PRKAR2A: variants seen among roughly 807,000 people sequenced by gnomAD.
PRKAR2A encodes cAMP-dependent protein kinase type II-alpha regulatory subunit.
In PRKAR2A, 29 loss-of-function variants were observed where a neutral mutation model predicts 51.9. The ratio of observed to expected loss-of-function variants is 0.56; its 90% CI spans 0.42 to 0.76. The LOEUF is 0.76. PRKAR2A is among the 30% of genes least tolerant of loss of function. The probability of loss-of-function intolerance (pLI) is 0.00; values close to 1 mark genes in which losing one functional copy is unlikely to be tolerated. For missense variants in PRKAR2A, 445 were observed against 512.1 expected (o/e 0.87, Z 1.26); for synonymous variants, 178 against 186.2 (o/e 0.96, Z 0.36).
intron 1 of PRKAR2A, among the ~76,000 whole-genome samples, chr3:48,812,973 A>G (rs552494041): frequency 6.6e-6 from 1 of 152,328 alleles, no homozygotes; most frequent in South Asian, 2.1e-4. Flanking sequence ...CTCCGTACAT[A>G]TTGAAGCACA....
chr3:48,774,417 A>G (rs991285599), intron 5 of PRKAR2A, among the ~76,000 whole-genome samples: 1 of 152,018 alleles, frequency 6.6e-6, no homozygotes, highest in African/African-American at 2.4e-5. Flanking sequence ...TAATCTCAGC[A>G]CTTTAGGAAG....
intron 1 of PRKAR2A, among the ~76,000 whole-genome samples, chr3:48,828,361 A>G (rs2083103579): frequency 6.6e-6 from 1 of 151,984 alleles, no homozygotes; most frequent in African/African-American, 2.4e-5. Context: ...TCTTCTTTTG[A>G]CTTTTTGACT....
chr3:48,803,419 ATTTATTTG>A lies in PRKAR2A; in HGVS notation c.298+4222_298+4229del, dbSNP rs1016940533. Among the ~76,000 whole-genome samples the A allele has an allele frequency of 7.9e-5, 12 of 152,036 alleles. No homozygotes were observed. The South Asian group carries it at 8.3e-4, about 11-fold the overall frequency. On this transcript the variant is annotated intron_variant, in intron 2 of 10. Transcript: ENST00000265563. Reference sequence around the variant, plus strand: ...AATAGAAGGAGACACTGTCTTTCTTATTTATTTGTTTATTTGTTTATTTATTTAGAGTC... The same window carrying A: ...AATAGAAGGAGACACTGTCTTTCTTATTTATTTGTTTATTTATTTAGAGTC...
intron 1 of PRKAR2A, among the ~76,000 whole-genome samples, chr3:48,833,226 T>C (rs1559649072): frequency 6.6e-6 from 1 of 152,080 alleles, no homozygotes; most frequent in African/African-American, 2.4e-5. Context: ...TTTGAAAAGA[T>C]GGGGGGTCTC....
At chr3:48,773,681 T>C (rs1420648294) in intron 5 of PRKAR2A, among the ~76,000 whole-genome samples, 1 of 151,870 alleles carries the variant, frequency 6.6e-6, no homozygotes, top group African/African-American at 2.4e-5. Flanking sequence ...AACAAAGTTT[T>C]AATACTTCCT....
chr3:48,755,882 C>T (rs541575018), intron 9 of PRKAR2A, among the ~76,000 whole-genome samples: 66 of 151,662 alleles, frequency 4.4e-4, no homozygotes, highest in African/African-American at 1.5e-3. Context: ...GTGTTCATGC[C>T]ATTCTCCTGC....
chr3:48,827,790 C>G (rs976837951), intron 1 of PRKAR2A, among the ~76,000 whole-genome samples: 2 of 152,148 alleles, frequency 1.3e-5, no homozygotes, highest in African/African-American at 2.4e-5. Flanking sequence ...CCTTAGGCTA[C>G]ACAATCTATA....
chr3:48,749,421 A>G lies in PRKAR2A; in HGVS notation c.*2164T>C, dbSNP rs1049998906. On this transcript the variant is annotated 3_prime_UTR_variant, in exon 11 of 11. Transcript: ENST00000265563. Reference sequence around the variant, plus strand: ...GGGGTTAACAATTAGAATCCCAAATACCCCAACATCTCAACTAGAAAGGCC... The same window carrying G: ...GGGGTTAACAATTAGAATCCCAAATGCCCCAACATCTCAACTAGAAAGGCC... The G allele has an allele frequency of 1.3e-5, 2 of 152,144 alleles. No homozygotes were observed. Among genetic ancestry groups the G allele is most frequent in the Non-Finnish European group, 2.9e-5 (2 of 68,036 alleles). The allele number at this position is 152,144 out of a possible 1,614,324, so 9.4% of individuals were successfully genotyped here. A position where few individuals can be genotyped will look rare whatever the true frequency, so the allele number is the denominator to read the frequency against.
At position 48,752,293 on chromosome 3, in the gene PRKAR2A, T is replaced by A; in HGVS notation, c.964A>T (p.Asn322Tyr). The part of the protein sequence containing the change: ...SRTKSNKDGG[N>Y]QEVEIARCHK... Reference sequence around the variant, plus strand: ...CAGCGGGCAATCTCGACCTCCTGGTTCCCACCATCCTTGTTTGATTTAGTC... The same window carrying A: ...CAGCGGGCAATCTCGACCTCCTGGTACCCACCATCCTTGTTTGATTTAGTC... The change falls in exon 10 of 11, where the codon AAC becomes TAC. Residue 322 changes from asparagine to tyrosine, a missense_variant. Physicochemically the swap from Asn to Tyr is moderately radical, Grantham distance 143 (BLOSUM62 -2). Coordinates refer to ENST00000265563, the MANE Select transcript of PRKAR2A (RefSeq NM_004157.4). 1 of 1,613,976 alleles carries A rather than the reference T, an allele frequency of 6.2e-7. No individual in the cohort carries two copies. Among genetic ancestry groups the A allele is most frequent in the Non-Finnish European group, 8.5e-7 (1 of 1,179,992 alleles).
At position 48,791,155 on chromosome 3, in the gene PRKAR2A, C is replaced by T. The variant is rs1335048853; in HGVS notation, c.352-528G>A. Among the ~76,000 whole-genome samples, 9 of 151,640 alleles carry T rather than the reference C, an allele frequency of 5.9e-5. No individual in the cohort carries two copies. The South Asian group carries it at 6.2e-4, about 11-fold the overall frequency. On this transcript the variant is annotated intron_variant, in intron 3 of 10. Transcript: ENST00000265563. ...TAGAAAAATTAGCTGGGCATGGTGG[C>T]GCGTGCCTGTAATCCCAGCTCCTCA...
chr3:48,820,921 G>C (rs543142109), intron 1 of PRKAR2A, among the ~76,000 whole-genome samples: 4 of 152,292 alleles, frequency 2.6e-5, no homozygotes, highest in Non-Finnish European at 5.9e-5. Context: ...AACTCCCTGA[G>C]TTGGACCTGA....
chr3:48,823,852 G>A (rs1257145441), intron 1 of PRKAR2A, among the ~76,000 whole-genome samples: 1 of 151,512 alleles, frequency 6.6e-6, no homozygotes. Flanking sequence ...AGTCTACTAG[G>A]ACCGTAGCAA....
chr3:48,825,100 T>C (rs2083041298), intron 1 of PRKAR2A, among the ~76,000 whole-genome samples: 1 of 129,566 alleles, frequency 7.7e-6, no homozygotes, highest in Non-Finnish European at 1.6e-5. Flanking sequence ...AATGGCGCAA[T>C]CTCGGCTCAC....
chr3:48,783,826 C>T (rs2082245737), intron 4 of PRKAR2A, among the ~76,000 whole-genome samples: 1 of 152,078 alleles, frequency 6.6e-6, no homozygotes, highest in Non-Finnish European at 1.5e-5. Flanking sequence ...TGTAATCCAC[C>T]CACCTTGGCT....
At chr3:48,813,731 A>C (rs1053900489) in intron 1 of PRKAR2A, among the ~76,000 whole-genome samples, 1 of 150,418 alleles carries the variant, frequency 6.6e-6, no homozygotes, top group Non-Finnish European at 1.5e-5. Flanking sequence ...CAAAACAAAA[A>C]CGCTAAAAGC....
intron 1 of PRKAR2A, among the ~76,000 whole-genome samples, chr3:48,840,448 C>T (rs979741960): frequency 2.6e-5 from 4 of 151,030 alleles, no homozygotes; most frequent in African/African-American, 9.7e-5. Flanking sequence ...TGAGCAGGAT[C>T]GTGCCACTGC....
intron 5 of PRKAR2A, among the ~76,000 whole-genome samples, chr3:48,775,998 T>G (rs952290855): frequency 3.3e-5 from 5 of 152,064 alleles, no homozygotes; most frequent in African/African-American, 1.2e-4. Flanking sequence ...TCCCAGCTAT[T>G]CGGGAGGCTG....
At chr3:48,802,930 T>C (rs1421794551) in intron 2 of PRKAR2A, among the ~76,000 whole-genome samples, 1 of 152,184 alleles carries the variant, frequency 6.6e-6, no homozygotes, top group African/African-American at 2.4e-5. Context: ...AGGGATGGGA[T>C]CTCGCACAGG....
chr3:48,793,854 T>C, intron 3 of PRKAR2A, 143 bp downstream of exon 3: 1 of 779,928 alleles, frequency 1.3e-6, no homozygotes, highest in Admixed American at 2.5e-5. Flanking sequence ...AATGCAACTT[T>C]CAATTTGTTA....
Sources: allele counts gnomAD v4.1 joint callset (sites outside exome capture counted in the v4.1 genomes callset), GRCh38; gene constraint gnomAD v4.1.1; transcripts MANE v1.5; gene names NCBI Gene and HGNC (gene_info 2026-07-23, HGNC 2026-07-21).